The following CSMD1 variants were observed in gnomAD, a reference collection of about 807,000 sequenced individuals.
CSMD1 encodes the protein CUB and Sushi multiple domains 1, also known as CUB and sushi domain-containing protein 1.
In CSMD1, 213 loss-of-function variants were observed where a neutral mutation model predicts 417.5. The observed-to-expected ratio is 0.51, with a 90% CI of 0.46 to 0.57. The LOEUF (loss-of-function observed/expected upper bound fraction) is 0.57. Ranked by LOEUF, CSMD1 falls within the 20% of genes least tolerant of loss-of-function variation. The pLI is 0.00. For synonymous variants in CSMD1, 2,862 were observed against 1,736.8 expected, an observed-to-expected ratio of 1.65 and a Z score of -16.11; for missense variants, 6,923 against 4,529.7, an observed-to-expected ratio of 1.53 and a Z score of -15.17.
chr8:4,500,186 T>A (rs551938246), intron 2 of CSMD1, among the ~76,000 whole-genome samples: 76 of 152,234 alleles, frequency 5.0e-4, no homozygotes, highest in Middle Eastern at 3.4e-3. Context: ...GAATACAATG[T>A]CTCTGAAGAG....
intron 49 of CSMD1, among the ~76,000 whole-genome samples, chr8:3,062,313 C>T (rs1812640500): frequency 6.6e-6 from 1 of 152,088 alleles, no homozygotes; most frequent in South Asian, 2.1e-4. Flanking sequence ...AGAGGAGGTG[C>T]AGTACGGAGC....
chr8:2,987,403 TTC>T (rs1293123303), intron 54 of CSMD1, among the ~76,000 whole-genome samples: 4 of 148,424 alleles, frequency 2.7e-5, no homozygotes, highest in Non-Finnish European at 3.0e-5. Context: ...ACAGAAATAT[TTC>T]TTTCTATATA....
intron 10 of CSMD1, among the ~76,000 whole-genome samples, chr8:3,527,286 G>C (rs988323032): frequency 1.8e-4 from 28 of 152,286 alleles, no homozygotes; most frequent in African/African-American, 6.3e-4. Context: ...GGAGAAATCA[G>C]CTAATCTGAC....
chr8:4,558,547 T>G (rs1241010219), intron 2 of CSMD1, among the ~76,000 whole-genome samples: 1 of 152,096 alleles, frequency 6.6e-6, no homozygotes, highest in African/African-American at 2.4e-5. Context: ...AGCAAGTACC[T>G]TGCTCAAACA....
chr8:4,831,287 G>T lies in CSMD1; in HGVS notation c.85+163045C>A, dbSNP rs191488168. 2.0e-5 allele frequency among the ~76,000 whole-genome samples: 3 copies of T among 152,192 alleles called. No individual in the cohort carries two copies. In the South Asian group the frequency reaches 6.2e-4, roughly 32 times the overall value. ...TGACTGGGAAATTAGTGCTCCACTG[G>T]GAGTCTTTACTTTGGATCACATCTT... is the stretch of plus-strand genomic sequence containing the variant. On this transcript the variant is annotated intron_variant, in intron 1 of 69. Coordinates refer to ENST00000635120, the MANE Select transcript of CSMD1 (RefSeq NM_033225.6).
At chr8:3,818,808 C>T (rs1481771086) in intron 5 of CSMD1, among the ~76,000 whole-genome samples, 1 of 152,158 alleles carries the variant, frequency 6.6e-6, no homozygotes, top group Non-Finnish European at 1.5e-5. Flanking sequence ...CCCTCTTTCC[C>T]TTTGAGTCGC....
At chr8:4,029,793 T>C (rs1234781995) in intron 4 of CSMD1, among the ~76,000 whole-genome samples, 1 of 152,174 alleles carries the variant, frequency 6.6e-6, no homozygotes, top group East Asian at 1.9e-4. Context: ...ACAAGTATCT[T>C]CCTCTTATGA....
chr8:4,936,376 G>A (rs973709048), intron 1 of CSMD1, among the ~76,000 whole-genome samples: 1 of 151,930 alleles, frequency 6.6e-6, no homozygotes, highest in African/African-American at 2.4e-5. Context: ...TTTTAGAGTG[G>A]GCAGCAGTAT....
Position 3,091,826 on chromosome 8 carries a change from T to C in CSMD1, c.7139-164A>G, listed in dbSNP as rs76253164. On this transcript the variant is annotated intron_variant, in intron 47 of 69. Coordinates refer to ENST00000635120, the MANE Select transcript of CSMD1 (RefSeq NM_033225.6). Reference sequence around the variant, plus strand: ...CCAAATGGCTATAGTGACAGATATATTTTCTGATAAAAATAAGACAATAAT... The same window carrying C: ...CCAAATGGCTATAGTGACAGATATACTTTCTGATAAAAATAAGACAATAAT... Among the ~76,000 whole-genome samples the C allele has an allele frequency of 2.3e-3, 346 of 152,294 alleles. 3 individuals carry two copies. The highest frequency in any genetic ancestry group is 7.8e-3 in the African/African-American group (325 of 41,568).
chr8:3,962,210 G>C (rs975721143), intron 5 of CSMD1, among the ~76,000 whole-genome samples: 1 of 152,126 alleles, frequency 6.6e-6, no homozygotes, highest in Non-Finnish European at 1.5e-5. Flanking sequence ...GAATGGGATT[G>C]TTTTGCACCT....
chr8:3,730,442 G>A (rs1026413312), intron 6 of CSMD1, among the ~76,000 whole-genome samples: 4 of 147,218 alleles, frequency 2.7e-5, no homozygotes, highest in Admixed American at 1.4e-4. Flanking sequence ...GGTTAGCAGA[G>A]CAAAGACTGC....
chr8:3,468,828 C>A lies in CSMD1; in HGVS notation c.1449-4G>T, dbSNP rs746335822. 6.4e-7 allele frequency: 1 copy of A among 1,574,610 alleles called. No individual in the cohort carries two copies. The highest frequency in any genetic ancestry group is 8.6e-7 in the Non-Finnish European group (1 of 1,157,992). On this transcript the variant is annotated splice_region_variant and splice_polypyrimidine_tract_variant and intron_variant, in intron 11 of 69. Transcript: ENST00000635120. The stretch of plus-strand genomic sequence containing the variant: ...AGGAACACTGGATCCCGTGAGCCTG[C>A]AAGAAAGAGAAATGTCAAAGCTTTT...
At chr8:3,523,709 G>GCA (rs1270252747) in intron 10 of CSMD1, among the ~76,000 whole-genome samples, 24 of 142,784 alleles carry the variant, frequency 1.7e-4, no homozygotes, top group African/African-American at 5.8e-4. Context: ...ACATGTGCAT[G>GCA]CACACACATA....
chr8:4,049,164 T>C (rs1798295200), intron 3 of CSMD1, among the ~76,000 whole-genome samples: 2 of 152,158 alleles, frequency 1.3e-5, no homozygotes, highest in Non-Finnish European at 2.9e-5. Context: ...ACTTTAATTG[T>C]AACATCAAAG....
chr8:4,625,800 T>A (rs1175794675), intron 2 of CSMD1, among the ~76,000 whole-genome samples: 4 of 152,048 alleles, frequency 2.6e-5, no homozygotes, highest in Non-Finnish European at 5.9e-5. Flanking sequence ...CTCAGCTCAT[T>A]CCAATCTCTG....
chr8:3,221,569 A>T (rs1407566332), intron 28 of CSMD1, among the ~76,000 whole-genome samples: 1 of 146,516 alleles, frequency 6.8e-6, no homozygotes, highest in African/African-American at 2.6e-5. Flanking sequence ...AACACTATAT[A>T]TCCCATCTGC....
chr8:3,575,122 G>A, intron 9 of CSMD1, 56 bp from the exon 10 acceptor site: 6 of 1,522,454 alleles, frequency 3.9e-6, no homozygotes, highest in South Asian at 3.7e-5. Flanking sequence ...GTTTGGTAAA[G>A]ACATAACATT....
intron 2 of CSMD1, among the ~76,000 whole-genome samples, chr8:4,425,672 G>A (rs1426883612): frequency 4.1e-5 from 6 of 144,764 alleles, no homozygotes; most frequent in African/African-American, 1.6e-4. Context: ...AGGAATCCCT[G>A]CTTCTTATAA....
intron 26 of CSMD1, among the ~76,000 whole-genome samples, chr8:3,268,390 A>G (rs6980830): frequency 0.7 from 102,864 of 147,978 alleles, 35,774 homozygotes; most frequent in Admixed American, 0.76. Context: ...CGAGGTTCAC[A>G]CCATTCTCCT....
Sources: gnomAD v4.1 joint callset for allele counts (sites outside exome capture counted in the v4.1 genomes callset) on GRCh38, gnomAD v4.1.1 for gene constraint, MANE v1.5 for transcripts, NCBI Gene and HGNC (gene_info 2026-07-23, HGNC 2026-07-21) for gene names.